CACNA1F: variants seen among roughly 807,000 people sequenced by gnomAD.
CACNA1F encodes voltage-dependent L-type calcium channel subunit alpha-1F.
In CACNA1F, 59 loss-of-function variants were observed where a neutral mutation model predicts 143.8. That is an observed-to-expected ratio of 0.41 (90% confidence interval 0.33 to 0.51). The LOEUF is 0.51. CACNA1F is among the 20% of genes least tolerant of loss of function. The pLI is 0.22. For missense variants in CACNA1F, 1,411 were observed against 1,647.5 expected, an observed-to-expected ratio of 0.86 and a Z score of 2.48; for synonymous variants, 643 against 649.1, an observed-to-expected ratio of 0.99 and a Z score of 0.14.
chrX:49,226,989 G>C lies in CACNA1F; in HGVS notation c.1257C>G (p.Pro419=). 1.7e-6 allele frequency: 2 copies of C among 1,211,976 alleles called. No individual in the cohort carries two copies. Among genetic ancestry groups the C allele is most frequent in the Non-Finnish European group, 2.2e-6 (2 of 895,457 alleles). ...TAGAACCAAGGTTGTCATCGGCGGAGGGGTCCTCCATGTCCAGCTCTTCGG... is the reference window on the plus strand; with the variant it reads ...TAGAACCAAGGTTGTCATCGGCGGACGGGTCCTCCATGTCCAGCTCTTCGG... ...TQAEELDMED[P]SADDNLGPQL... The change falls in exon 9 of 48, where the codon CCC becomes CCG. Residue 419 remains proline (P), a synonymous_variant. Coordinates refer to ENST00000323022, the MANE Select transcript of CACNA1F (RefSeq NM_001256789.3).
chrX:49,207,160 G>A lies in CACNA1F; in HGVS notation c.5124-48C>T, dbSNP rs200688062. On this transcript the variant is annotated intron_variant, in intron 43 of 47. Transcript: ENST00000323022. ...GGCAGACCAGATCCCTCAATATGTGGCCCTGGACCCCTGGTTCCTCTCATC... is the reference window on the plus strand; with the variant it reads ...GGCAGACCAGATCCCTCAATATGTGACCCTGGACCCCTGGTTCCTCTCATC... The A allele has an allele frequency of 1.9e-4, 144 of 754,646 alleles. No individual in the cohort carries two copies. The Admixed American group carries it at 3.5e-3, about 18-fold the overall frequency. The allele number at this position is 754,646 out of a possible 1,213,427, so 62.2% of individuals were successfully genotyped here. A position where few individuals can be genotyped will look rare whatever the true frequency, so the allele number is the denominator to read the frequency against.
intron 43 of CACNA1F, among the ~76,000 whole-genome samples, chrX:49,207,336 C>T (rs1569527498): frequency 8.9e-6 from 1 of 112,116 alleles, no homozygotes; most frequent in Non-Finnish European, 1.9e-5. Flanking sequence ...TCAAAAAAAT[C>T]AAAGTTGACC....
chrX:49,216,560 G>A, intron 26 of CACNA1F, 32 bp from the exon 27 acceptor site: 1 of 1,176,183 alleles, frequency 8.5e-7, no homozygotes, highest in Non-Finnish European at 1.1e-6. Context: ...AGATGGGTGA[G>A]GAGGGGTGAG....
At chrX:49,205,477 A>G in intron 47 of CACNA1F, 110 bp from the exon 48 acceptor site, 1 of 823,508 alleles carries the variant, frequency 1.2e-6, no homozygotes, top group South Asian at 2.2e-5. Context: ...AGTGGGGGAC[A>G]GGGGTGAGCA....
chrX:49,218,903 G>A lies in CACNA1F; in HGVS notation c.2712C>T (p.Phe904=). The A allele has an allele frequency of 2.5e-6, 3 of 1,207,188 alleles. No individual in the cohort carries two copies. Among genetic ancestry groups the A allele is most frequent in the Non-Finnish European group, 3.4e-6 (3 of 892,211 alleles). The change falls in exon 22 of 48, where the codon TTC becomes TTT. Residue 904 remains phenylalanine (F), a synonymous_variant. Transcript: ENST00000323022. ...GYFDYAFTSI[F]TVEILLKMTV... is the part of the protein sequence containing the mutation. The stretch of plus-strand genomic sequence containing the variant: ...TCACCTTTAGTAGAATCTCCACAGT[G>A]AAAATGGAGGTGAAGGCATAATCGA...
At position 49,233,292 on chromosome X, in the gene CACNA1F, G is replaced by A. The variant is rs1055928900; in HGVS notation, c.18C>T (p.Gly6=). The change falls in exon 1 of 48, where the codon GGC becomes GGT. Residue 6 remains glycine, a synonymous_variant. Transcript: ENST00000323022. MSESE[G]GKDTTPEPSP... is the part of the protein sequence containing the mutation. Reference sequence around the variant, plus strand: ...ATGGAAGGATTCTCTCACCTTTCCCGCCTTCAGATTCCGACATCTTTCTTT... The same window carrying A: ...ATGGAAGGATTCTCTCACCTTTCCCACCTTCAGATTCCGACATCTTTCTTT... 5 of 1,208,410 alleles carry A rather than the reference G, an allele frequency of 4.1e-6. No individual in the cohort carries two copies. The Admixed American group carries it at 6.5e-5, about 16-fold the overall frequency.
chrX:49,208,411 G>GCCCCCCCCCCCCCCCCCCCCCCCCTTCTC, intron 43 of CACNA1F, 104 bp downstream of exon 43: 1 of 414,484 alleles, frequency 2.4e-6, no homozygotes, highest in Non-Finnish European at 4.3e-6. Context: ...AGGCCTCTAG[G>GCCCCCCCCCCCCCCCCCCCCCCCCTTCTC]CCCTCCCTCC....
At chrX:49,221,174 G>C (rs1557108704) in intron 17 of CACNA1F, 94 bp from the exon 18 acceptor site, 1 of 734,069 alleles carries the variant, frequency 1.4e-6, no homozygotes, top group African/African-American at 2.1e-5. Context: ...GAACTTTCTT[G>C]CTTCCGCTCT....
At chrX:49,224,672 G>T in intron 14 of CACNA1F, 89 bp downstream of exon 14, 1 of 608,001 alleles carries the variant, frequency 1.6e-6, no homozygotes, top group Non-Finnish European at 2.7e-6. Flanking sequence ...TCAATGAATG[G>T]TGAAGCAGAT....
At chrX:49,225,348 A>G (rs1180155624) in intron 13 of CACNA1F, among the ~76,000 whole-genome samples, 1 of 111,320 alleles carries the variant, frequency 9.0e-6, no homozygotes, top group Non-Finnish European at 1.9e-5. Context: ...GATTATAATG[A>G]ATAATAGTAA....
At chrX:49,226,118 C>A (rs974456040) in intron 12 of CACNA1F, 49 bp from the exon 13 acceptor site, 7 of 1,162,995 alleles carry the variant, frequency 6.0e-6, no homozygotes, top group Non-Finnish European at 8.2e-6. Flanking sequence ...TAAGCCTGCC[C>A]TGGGGGGCTC....
At chrX:49,232,288 G>A (rs61286294) in intron 1 of CACNA1F, among the ~76,000 whole-genome samples, 4,331 of 111,148 alleles carry the variant, frequency 0.039, 217 homozygotes, top group African/African-American at 0.13. Context: ...TTGTCTAAGG[G>A]TTAGGACTGG....
At chrX:49,230,143 GT>G (rs2147923816) in intron 6 of CACNA1F, 76 bp downstream of exon 6, 1 of 940,299 alleles carries the variant, frequency 1.1e-6, no homozygotes, top group East Asian at 3.3e-5. Context: ...ATTTCAGTGG[GT>G]TTCCCTGAGT....
At chrX:49,225,318 G>A (rs1418761741) in intron 13 of CACNA1F, among the ~76,000 whole-genome samples, 1 of 111,110 alleles carries the variant, frequency 9.0e-6, no homozygotes, top group African/African-American at 3.3e-5. Flanking sequence ...AAATGTGCTC[G>A]GTATTCAGGC....
chrX:49,205,540 C>G, intron 47 of CACNA1F, 76 bp downstream of exon 47: 1 of 1,027,286 alleles, frequency 9.7e-7, no homozygotes, highest in Non-Finnish European at 1.3e-6. Context: ...CCTGGGGACT[C>G]CTTTCCGTCC....
In CACNA1F at chrX:49,226,045, C is replaced by T; in HGVS notation, c.1515G>A (p.Arg505=). ...RVCRRLRRAN[R]VLRARCRRAV... ...CCCGACGGCAGCGTGCCCGAAGGACCCGGTTGGCTCGGCGGAGGCGGCGGC... is the reference window on the plus strand; with the variant it reads ...CCCGACGGCAGCGTGCCCGAAGGACTCGGTTGGCTCGGCGGAGGCGGCGGC... Residue 505 remains arginine (R), a synonymous_variant, in exon 13 of 48, where the codon CGG becomes CGA. Coordinates refer to ENST00000323022, the MANE Select transcript of CACNA1F (RefSeq NM_001256789.3). 1 of 1,191,583 alleles carries T rather than the reference C, an allele frequency of 8.4e-7. No homozygotes were observed. The highest frequency in any genetic ancestry group is 1.1e-6 in the Non-Finnish European group (1 of 885,097).
Position 49,210,294 on chromosome X carries a change from C to T in CACNA1F, c.4588+7G>A, listed in dbSNP as rs371508177. On this transcript the variant is annotated splice_region_variant and intron_variant, in intron 39 of 47. Coordinates refer to ENST00000323022, the MANE Select transcript of CACNA1F (RefSeq NM_001256789.3). ...GGAACGATCCCACTCCTGCCCCTCCCCTACACCTTCTGTTTTGATCTTCAG... is the reference window on the plus strand; with the variant it reads ...GGAACGATCCCACTCCTGCCCCTCCTCTACACCTTCTGTTTTGATCTTCAG... 1.1e-4 allele frequency: 125 copies of T among 1,171,084 alleles called. No homozygotes were observed. The highest frequency in any genetic ancestry group is 1.4e-4 in the Non-Finnish European group (118 of 859,888).
chrX:49,230,900 G>A lies in CACNA1F; in HGVS notation c.471C>T (p.Ala157=), dbSNP rs1420257031. The change falls in exon 4 of 48, where the codon GCC becomes GCT. Residue 157 remains alanine, a synonymous_variant. Coordinates refer to ENST00000323022, the MANE Select transcript of CACNA1F (RefSeq NM_001256789.3). The part of the protein sequence containing the change: ...VAYGLVLHPS[A]YIRNGWNLLD... ...GTAGGTTCCAGCCATTGCGGATGTA[G>A]GCGCTGGGGTGGAGCACCAGCCCGT... The A allele has an allele frequency of 8.4e-7, 1 of 1,187,524 alleles. No homozygotes were observed. The highest frequency in any genetic ancestry group is 1.1e-6 in the Non-Finnish European group (1 of 883,251).
Position 49,211,390 on chromosome X carries a change from CTT to C in CACNA1F, c.4190_4191del (p.Glu1397GlyfsTer6), listed in dbSNP as rs2147897090. On this transcript the variant is annotated frameshift_variant, in exon 36 of 48. Coordinates refer to ENST00000323022, the MANE Select transcript of CACNA1F (RefSeq NM_001256789.3). LOFTEE classifies it high-confidence loss of function. ...GCAAAATTGCTACCACAGGTAAACT[CTT>C]CACCAGGGCCGAAGTCAGACTCAGG... ...CDPESDFGPG[E>X]EFTCGSNFAI... 1 of 1,210,476 alleles carries C rather than the reference CTT, an allele frequency of 8.3e-7. No homozygotes were observed.
Sources: allele counts gnomAD v4.1 joint callset (sites outside exome capture counted in the v4.1 genomes callset), GRCh38; gene constraint gnomAD v4.1.1; transcripts MANE v1.5; gene names NCBI Gene and HGNC (gene_info 2026-07-23, HGNC 2026-07-21).